CNTLN: variants seen among roughly 807,000 people sequenced by gnomAD.
The protein encoded by CNTLN is centlein, also known as centlein, centrosomal protein.
A neutral mutation model predicts 180.0 loss-of-function variants in CNTLN; 212 were observed. The observed-to-expected ratio is 1.18, with a 90% CI of 1.05 to 1.32. CNTLN has a LOEUF of 1.32. Among genes scored for constraint, CNTLN ranks in the 40% most tolerant of loss-of-function variants. The pLI is 0.00. For synonymous variants in CNTLN, 722 were observed against 563.1 expected (o/e 1.28, Z -3.99); for missense variants, 2,095 against 1,610.9 (o/e 1.30, Z -5.14).
At chr9:17,175,599 CT>C (rs1197272196) in intron 2 of CNTLN, among the ~76,000 whole-genome samples, 2 of 152,066 alleles carry the variant, frequency 1.3e-5, no homozygotes, top group Non-Finnish European at 2.9e-5. Context: ...CTTTTTCTTC[CT>C]TTTCAAAATT....
chr9:17,160,051 T>C (rs7036367), intron 2 of CNTLN, among the ~76,000 whole-genome samples: 2,041 of 152,334 alleles, frequency 0.013, 47 homozygotes, highest in African/African-American at 0.047. Flanking sequence ...ATAGAGATTG[T>C]GAATTCACTG....
intron 8 of CNTLN, among the ~76,000 whole-genome samples, chr9:17,318,678 TA>T (rs1393363914): frequency 1.1e-4 from 16 of 152,312 alleles, no homozygotes; most frequent in African/African-American, 3.8e-4. Context: ...ACTCTGAAGT[TA>T]GATAGAGGAG....
intron 6 of CNTLN, among the ~76,000 whole-genome samples, chr9:17,296,155 A>G (rs1217998124): frequency 6.6e-6 from 1 of 151,848 alleles, no homozygotes; most frequent in African/African-American, 2.4e-5. Context: ...GATGTATGCT[A>G]CCATGCCCAG....
At chr9:17,409,186 G>A (rs2133840413) in intron 15 of CNTLN, 107 bp from the exon 16 acceptor site, 2 of 1,041,620 alleles carry the variant, frequency 1.9e-6, no homozygotes, top group Non-Finnish European at 1.4e-6. Context: ...TAAACTTGCA[G>A]TTTTATATAC....
At chr9:17,162,068 C>T (rs1316400077) in intron 2 of CNTLN, among the ~76,000 whole-genome samples, 2 of 152,114 alleles carry the variant, frequency 1.3e-5, no homozygotes, top group Non-Finnish European at 2.9e-5. Context: ...ATAGCAACCT[C>T]GTGCCCTCTT....
chr9:17,337,603 A>G (rs929646976), intron 10 of CNTLN, among the ~76,000 whole-genome samples: 41 of 152,184 alleles, frequency 2.7e-4, no homozygotes, highest in African/African-American at 9.4e-4. Context: ...CATGAATGAC[A>G]TATGGAGCTC....
intron 14 of CNTLN, among the ~76,000 whole-genome samples, chr9:17,388,763 T>G (rs1475358899): frequency 6.6e-6 from 1 of 151,886 alleles, no homozygotes; most frequent in Non-Finnish European, 1.5e-5. Flanking sequence ...CAGCATTTTA[T>G]GTTTTAATAA....
chr9:17,233,508 G>C (rs938340302), intron 3 of CNTLN, among the ~76,000 whole-genome samples: 4 of 152,056 alleles, frequency 2.6e-5, no homozygotes, highest in African/African-American at 7.2e-5. Context: ...TCGATTTAAT[G>C]ACCCATTACT....
chr9:17,309,131 A>C lies in CNTLN; in HGVS notation c.1220A>C (p.Asn407Thr). Residue 407 changes from asparagine (N) to threonine (T), a missense_variant, in exon 8 of 26, where the codon AAT (asparagine) becomes ACT (threonine). By Grantham distance (65) the Asn-to-Thr change is moderately conservative (BLOSUM62 0). Transcript: ENST00000380647. Reference sequence around the variant, plus strand: ...GCTATGCTCCGGCAAAGTGTTACTAATCTTCAGGATCAGCTATTACAAAAA... The same window carrying C: ...GCTATGCTCCGGCAAAGTGTTACTACTCTTCAGGATCAGCTATTACAAAAA... ...NEAMLRQSVT[N>T]LQDQLLQKEQ... 2 of 1,610,486 alleles carry C rather than the reference A, an allele frequency of 1.2e-6. No individual in the cohort carries two copies. Among genetic ancestry groups the C allele is most frequent in the Non-Finnish European group, 8.5e-7 (1 of 1,178,238 alleles).
At chr9:17,268,011 C>G (rs180924075) in intron 5 of CNTLN, among the ~76,000 whole-genome samples, 4 of 151,966 alleles carry the variant, frequency 2.6e-5, no homozygotes, top group Non-Finnish European at 5.9e-5. Flanking sequence ...AGTAGTTTGA[C>G]TGTTTGAAGC....
chr9:17,317,384 C>A (rs972443653), intron 8 of CNTLN, among the ~76,000 whole-genome samples: 7 of 152,000 alleles, frequency 4.6e-5, no homozygotes, highest in African/African-American at 1.7e-4. Flanking sequence ...ATGCAGGAAT[C>A]ATACTGTTAA....
At position 17,445,730 on chromosome 9, in the gene CNTLN, T is replaced by C. The variant is rs940440167; in HGVS notation, c.3115-11794T>C. On this transcript the variant is annotated intron_variant, in intron 18 of 25. Transcript: ENST00000380647. ...TCTCCCCATGTGATAGTCTGAAATA[T>C]GGCCTCGTGGGAAGGGAAAGACCTG... 3.1e-3 allele frequency among the ~76,000 whole-genome samples: 465 copies of C among 152,198 alleles called. 6 individuals carry two copies. The highest frequency in any genetic ancestry group is 0.011 in the African/African-American group (444 of 41,534).
intron 25 of CNTLN, among the ~76,000 whole-genome samples, chr9:17,500,967 T>C (rs924398284): frequency 2.6e-5 from 4 of 152,240 alleles, no homozygotes; most frequent in African/African-American, 9.6e-5. Flanking sequence ...TAAAGCGTAC[T>C]GCTTTTATCA....
chr9:17,521,799 T>C, the CNTLN span, among the ~76,000 whole-genome samples: 1 of 152,194 alleles, frequency 6.6e-6, no homozygotes, highest in African/African-American at 2.4e-5. Context: ...ATTTCAGAGT[T>C]TGGGCTGCTT....
chr9:17,413,123 A>G (rs551813890), intron 16 of CNTLN, among the ~76,000 whole-genome samples: 5 of 131,258 alleles, frequency 3.8e-5, no homozygotes, highest in East Asian at 2.1e-4. Context: ...ATGGATCCAC[A>G]TAAGTATGAA....
At chr9:17,290,544 G>C (rs1047248508) in intron 6 of CNTLN, among the ~76,000 whole-genome samples, 36 of 140,834 alleles carry the variant, frequency 2.6e-4, no homozygotes, top group African/African-American at 6.0e-4. Flanking sequence ...CACCCAGTTC[G>C]AGCTTCCTGG....
intron 5 of CNTLN, among the ~76,000 whole-genome samples, chr9:17,267,831 C>T (rs1161289426): frequency 5.3e-5 from 8 of 152,190 alleles, no homozygotes; most frequent in Admixed American, 1.3e-4. Flanking sequence ...TTGATCGCAT[C>T]GGCTAATGAG....
At chr9:17,523,991 C>T in the CNTLN span, among the ~76,000 whole-genome samples, 6 of 152,166 alleles carry the variant, frequency 3.9e-5, no homozygotes, top group Non-Finnish European at 5.9e-5. Context: ...TTAGAAACGT[C>T]CCTTTACTCT....
intron 2 of CNTLN, among the ~76,000 whole-genome samples, chr9:17,156,736 A>G (rs1819318800): frequency 6.6e-6 from 1 of 152,242 alleles, no homozygotes; most frequent in Non-Finnish European, 1.5e-5. Context: ...CAATAAAGCA[A>G]ATATTGCAAT....
Sources: gnomAD v4.1 joint callset for allele counts (sites outside exome capture counted in the v4.1 genomes callset) on GRCh38, gnomAD v4.1.1 for gene constraint, MANE v1.5 for transcripts, NCBI Gene and HGNC (gene_info 2026-07-23, HGNC 2026-07-21) for gene names.